ANKS1B: variants seen among roughly 807,000 people sequenced by gnomAD.
The protein encoded by ANKS1B is ankyrin repeat and sterile alpha motif domain-containing protein 1B.
ANKS1B carries 36 observed loss-of-function variants against 148.3 expected under a neutral mutation model. The observed-to-expected ratio is 0.24, with a 90% CI of 0.19 to 0.32. The LOEUF (loss-of-function observed/expected upper bound fraction) is 0.32, where lower values mean the gene tolerates loss of function less well. Among genes scored for constraint, ANKS1B ranks in the 10% least tolerant of loss-of-function variants. The pLI, the probability that ANKS1B is intolerant of heterozygous loss-of-function variation, is 1.00. For synonymous variants in ANKS1B, 542 were observed against 560.8 expected (o/e 0.97, Z 0.47); for missense variants, 1,157 against 1,542.6 (o/e 0.75, Z 4.19).
chr12:98,832,758 G>A (rs900364908), intron 17 of ANKS1B, among the ~76,000 whole-genome samples: 3 of 151,958 alleles, frequency 2.0e-5, no homozygotes, highest in Admixed American at 1.3e-4. Flanking sequence ...TGCTCTCCAC[G>A]ATGATCCATC....
At chr12:99,214,439 C>T (rs965422667) in intron 14 of ANKS1B, among the ~76,000 whole-genome samples, 7 of 152,092 alleles carry the variant, frequency 4.6e-5, no homozygotes, top group African/African-American at 1.4e-4. Flanking sequence ...CAGTTTTTCC[C>T]GTGCTGTTCT....
intron 9 of ANKS1B, among the ~76,000 whole-genome samples, chr12:99,575,526 T>A (rs774766335): frequency 3.3e-5 from 5 of 152,036 alleles, no homozygotes; most frequent in African/African-American, 7.2e-5. Flanking sequence ...TGGGGAGGCC[T>A]CACAATTATG....
In ANKS1B at chr12:99,702,362, C is replaced by A. The variant is rs144258866; in HGVS notation, c.1129-47152G>T. Among the ~76,000 whole-genome samples, 600 of 152,142 alleles carry A rather than the reference C, an allele frequency of 3.9e-3. 5 individuals are homozygous for A. The highest frequency in any genetic ancestry group is 0.014 in the African/African-American group (575 of 41,530). ...TCTTTTGAGAAATGTCTATTCAGAT[C>A]TTTTGCCCATTTTTAAATCAGATTG... On this transcript the variant is annotated intron_variant, in intron 8 of 26. Coordinates refer to ENST00000683438, the MANE Select transcript of ANKS1B (RefSeq NM_001352186.2).
At chr12:98,741,024 T>TATC (rs2097795929), downstream of ANKS1B, among the ~76,000 whole-genome samples, 1 of 152,222 alleles carries the variant, frequency 6.6e-6, no homozygotes, top group African/African-American at 2.4e-5. Flanking sequence ...ATTTCAATGA[T>TATC]ATCATAAAGC....
intron 19 of ANKS1B, among the ~76,000 whole-genome samples, chr12:98,814,210 AAAGAAGGAG>A (rs1566808207): frequency 2.6e-5 from 4 of 152,178 alleles, no homozygotes; most frequent in African/African-American, 4.8e-5. Context: ...CTTCATCTGT[AAAGAAGGAG>A]AATAGTACTT....
intron 1 of ANKS1B, among the ~76,000 whole-genome samples, chr12:99,928,273 T>TTTA (rs1555250601): frequency 3.6e-5 from 3 of 82,568 alleles, no homozygotes; most frequent in South Asian, 2.7e-4. Context: ...TTTATTTTAT[T>TTTA]TTTTTTTTTT....
chr12:99,969,981 T>TA (rs35487782), intron 1 of ANKS1B, among the ~76,000 whole-genome samples: 2 of 152,074 alleles, frequency 1.3e-5, no homozygotes, highest in East Asian at 1.9e-4. Flanking sequence ...TAATTTTATG[T>TA]AAAAAAAGTG....
At chr12:98,790,247 T>C (rs958751182) in intron 22 of ANKS1B, among the ~76,000 whole-genome samples, 1 of 152,202 alleles carries the variant, frequency 6.6e-6, no homozygotes, top group Non-Finnish European at 1.5e-5. Context: ...CTCCTTCCTC[T>C]GAGAAGAAAG....
intron 17 of ANKS1B, among the ~76,000 whole-genome samples, chr12:98,913,892 C>T (rs756456493): frequency 2.4e-4 from 36 of 152,162 alleles, no homozygotes; most frequent in Non-Finnish European, 4.7e-4. Flanking sequence ...TGGCCTCCCA[C>T]AAACTGTCAA....
chr12:99,574,288 A>C (rs528469155), intron 9 of ANKS1B, among the ~76,000 whole-genome samples: 1 of 152,212 alleles, frequency 6.6e-6, no homozygotes, highest in Admixed American at 6.5e-5. Context: ...CTACACGTAA[A>C]TCTTAGTTGT....
chr12:99,957,763 G>A (rs1275996616), intron 1 of ANKS1B, among the ~76,000 whole-genome samples: 3 of 152,172 alleles, frequency 2.0e-5, no homozygotes, highest in Non-Finnish European at 4.4e-5. Context: ...CACTGGCATT[G>A]CTAACCAAGA....
At chr12:99,895,931 T>A (rs1457996986) in intron 1 of ANKS1B, among the ~76,000 whole-genome samples, 2 of 151,206 alleles carry the variant, frequency 1.3e-5, no homozygotes, top group Non-Finnish European at 3.0e-5. Context: ...TTGGATAAGT[T>A]TTTTTTTACT....
At chr12:99,212,755 G>C (rs576348266) in intron 14 of ANKS1B, among the ~76,000 whole-genome samples, 5 of 152,148 alleles carry the variant, frequency 3.3e-5, no homozygotes, top group Non-Finnish European at 7.3e-5. Context: ...AACACTTGCA[G>C]GCCTAGAGCT....
At chr12:99,334,838 T>A (rs188988783) in intron 12 of ANKS1B, among the ~76,000 whole-genome samples, 13 of 152,166 alleles carry the variant, frequency 8.5e-5, no homozygotes, top group African/African-American at 2.9e-4. Flanking sequence ...TCATGCAAAT[T>A]CAAGGGTGAA....
chr12:98,859,285 T>G (rs1428586942), intron 17 of ANKS1B, among the ~76,000 whole-genome samples: 1 of 152,210 alleles, frequency 6.6e-6, no homozygotes, highest in African/African-American at 2.4e-5. Context: ...CAAAGAGAAA[T>G]ATTTTGAAAC....
intron 8 of ANKS1B, among the ~76,000 whole-genome samples, chr12:99,750,913 T>C (rs7312833): frequency 0.44 from 66,330 of 151,768 alleles, 14,899 homozygotes; most frequent in South Asian, 0.61. Flanking sequence ...TAATTTTTAT[T>C]TTTTAAAATA....
At chr12:99,738,019 A>T (rs933923804) in intron 8 of ANKS1B, among the ~76,000 whole-genome samples, 1 of 152,178 alleles carries the variant, frequency 6.6e-6, no homozygotes, top group Non-Finnish European at 1.5e-5. Context: ...ATTGCATTAG[A>T]TGTGTGCTAG....
intron 12 of ANKS1B, among the ~76,000 whole-genome samples, chr12:99,310,783 C>A (rs2083034098): frequency 1.3e-5 from 2 of 152,152 alleles, no homozygotes; most frequent in Admixed American, 1.3e-4. Context: ...ATCTATCTAT[C>A]TGTCTGTCTA....
intron 23 of ANKS1B, chr12:98,781,452 A>T (rs2098735328): frequency 1.7e-6 from 1 of 587,302 alleles, no homozygotes; most frequent in Non-Finnish European, 3.2e-6. Context: ...GGATCTAAAA[A>T]GAGTTTGTTC....
Sources: gnomAD v4.1 joint callset for allele counts (sites outside exome capture counted in the v4.1 genomes callset) on GRCh38, gnomAD v4.1.1 for gene constraint, MANE v1.5 for transcripts, NCBI Gene and HGNC (gene_info 2026-07-23, HGNC 2026-07-21) for gene names.